SMOC1: variants seen among roughly 807,000 people sequenced by gnomAD.
SMOC1 encodes the protein SPARC related modular calcium binding 1.
In SMOC1, 22 loss-of-function variants were observed where a neutral mutation model predicts 56.3. The ratio of observed to expected loss-of-function variants is 0.39; its 90% confidence interval spans 0.28 to 0.56. The LOEUF is 0.56. Among genes scored for constraint, SMOC1 ranks in the 20% least tolerant of loss-of-function variants. The probability of loss-of-function intolerance (pLI) is 0.61; values close to 1 mark genes in which losing one functional copy is unlikely to be tolerated. For missense variants in SMOC1, 509 were observed against 565.4 expected (o/e 0.90, Z 1.01); for synonymous variants, 193 against 215.0 (o/e 0.90, Z 0.89).
At chr14:69,962,970 G>A (rs774058964) in intron 3 of SMOC1, among the ~76,000 whole-genome samples, 11 of 152,096 alleles carry the variant, frequency 7.2e-5, no homozygotes, top group Non-Finnish European at 8.8e-5. Context: ...GGTTGTCTCA[G>A]GACTACTTGT....
intron 1 of SMOC1, among the ~76,000 whole-genome samples, chr14:69,889,324 C>A (rs1281902944): frequency 6.6e-6 from 1 of 152,196 alleles, no homozygotes; most frequent in African/African-American, 2.4e-5. Flanking sequence ...TCAGATGTTA[C>A]CTCCACGCAG....
At chr14:70,010,272 G>A (rs1204358923) in intron 7 of SMOC1, among the ~76,000 whole-genome samples, 3 of 152,232 alleles carry the variant, frequency 2.0e-5, no homozygotes, top group Admixed American at 2.0e-4. Flanking sequence ...ACATGAGGCT[G>A]ATGGCCACGG....
At chr14:69,998,076 A>G (rs1332406184) in intron 7 of SMOC1, among the ~76,000 whole-genome samples, 1 of 152,184 alleles carries the variant, frequency 6.6e-6, no homozygotes, top group East Asian at 1.9e-4. Flanking sequence ...AAGTTTTGCA[A>G]TAACATGACA....
At chr14:69,889,283 C>G (rs1242876903) in intron 1 of SMOC1, among the ~76,000 whole-genome samples, 1 of 152,170 alleles carries the variant, frequency 6.6e-6, no homozygotes, top group East Asian at 1.9e-4. Flanking sequence ...CCATTTCTGT[C>G]TGTCAGAATC....
chr14:69,939,799 C>T (rs1882479035), intron 1 of SMOC1, among the ~76,000 whole-genome samples: 1 of 152,208 alleles, frequency 6.6e-6, no homozygotes, highest in South Asian at 2.1e-4. Context: ...CTTTGGTGTG[C>T]CTTGGATACT....
chr14:69,951,855 AT>A (rs1227384115), intron 1 of SMOC1, among the ~76,000 whole-genome samples: 2 of 152,136 alleles, frequency 1.3e-5, no homozygotes, highest in African/African-American at 4.8e-5. Context: ...TAGAGTTTCT[AT>A]TTCATAGGGT....
At chr14:69,999,429 C>G (rs144869789) in intron 7 of SMOC1, among the ~76,000 whole-genome samples, 5 of 152,310 alleles carry the variant, frequency 3.3e-5, no homozygotes, top group African/African-American at 9.6e-5. Flanking sequence ...CGGTAGCCGT[C>G]GTAAGCAAAT....
chr14:70,024,149 T>C (rs1347142175), intron 11 of SMOC1, among the ~76,000 whole-genome samples: 3 of 152,092 alleles, frequency 2.0e-5, no homozygotes, highest in African/African-American at 2.4e-5. Flanking sequence ...TCATAATTCA[T>C]TGGCTGGAAC....
intron 1 of SMOC1, among the ~76,000 whole-genome samples, chr14:69,911,036 T>G (rs1007352890): frequency 5.3e-5 from 8 of 152,222 alleles, no homozygotes; most frequent in African/African-American, 1.9e-4. Context: ...GTTGGGCAGC[T>G]GCAAAGGCCA....
rs764053124 is a variant in SMOC1, at chr14:69,879,761, G to T, written c.83G>T (p.Arg28Leu). Residue 28 changes from arginine (R) to leucine (L), a missense_variant, in exon 1 of 12, where the codon CGC becomes CTC. Physicochemically the swap from Arg to Leu is moderately radical, Grantham distance 102. Transcript: ENST00000361956. ...CAGCTGTCCCCTGCTCGCGGCCACC[G>T]CACCACAGGCCCCAGGGTAAGTGCG... ...LVQLSPARGHRTTGPRFLISD... is the reference protein window; with the variant it reads ...LVQLSPARGHLTTGPRFLISD... The T allele has an allele frequency of 1.3e-5, 20 of 1,590,974 alleles. No homozygotes were observed. The highest frequency in any genetic ancestry group is 1.0e-4 in the Admixed American group (6 of 58,792).
At chr14:69,981,200 G>A (rs1884166335) in intron 5 of SMOC1, among the ~76,000 whole-genome samples, 1 of 151,854 alleles carries the variant, frequency 6.6e-6, no homozygotes, top group African/African-American at 2.4e-5. Flanking sequence ...GGATCCACAG[G>A]TGTGGGGCCC....
intron 1 of SMOC1, among the ~76,000 whole-genome samples, chr14:69,888,223 G>T (rs747330239): frequency 1.3e-5 from 2 of 152,150 alleles, no homozygotes; most frequent in African/African-American, 2.4e-5. Flanking sequence ...TCACTGAGAG[G>T]TTCAGAGATT....
intron 11 of SMOC1, 142 bp downstream of exon 11, chr14:70,023,589 G>A (rs771077192): frequency 3.2e-6 from 4 of 1,255,748 alleles, no homozygotes; most frequent in Non-Finnish European, 4.6e-6. Context: ...CTTCATGCTA[G>A]ATGTTTGAGA....
intron 1 of SMOC1, chr14:69,885,727 T>C: frequency 6.8e-7 from 1 of 1,465,832 alleles, no homozygotes; most frequent in Non-Finnish European, 9.5e-7. Context: ...TGTTAACTCC[T>C]GCTCGAAGGA....
chr14:69,981,951 C>T (rs1038549809), intron 5 of SMOC1, among the ~76,000 whole-genome samples: 3 of 152,100 alleles, frequency 2.0e-5, no homozygotes, highest in Non-Finnish European at 2.9e-5. Flanking sequence ...AGTTCTTAGC[C>T]TCTGGTGGGG....
chr14:69,888,377 T>G (rs1883867269), intron 1 of SMOC1, among the ~76,000 whole-genome samples: 1 of 152,226 alleles, frequency 6.6e-6, no homozygotes, highest in South Asian at 2.1e-4. Context: ...ACATCTAAGC[T>G]TGTTAGGTAT....
At chr14:70,027,296 G>T (rs1885963744) in intron 11 of SMOC1, among the ~76,000 whole-genome samples, 1 of 152,214 alleles carries the variant, frequency 6.6e-6, no homozygotes, top group Non-Finnish European at 1.5e-5. Flanking sequence ...GTCCCCTCCA[G>T]GAGAAGGACC....
At chr14:69,972,558 G>T (rs556794772) in intron 3 of SMOC1, among the ~76,000 whole-genome samples, 1 of 152,224 alleles carries the variant, frequency 6.6e-6, no homozygotes, top group South Asian at 2.1e-4. Context: ...TTGTAATCTG[G>T]GCTCTCTACT....
chr14:70,020,939 A>G (rs1594859724), intron 10 of SMOC1, among the ~76,000 whole-genome samples: 1 of 152,134 alleles, frequency 6.6e-6, no homozygotes, highest in South Asian at 2.1e-4. Flanking sequence ...GACAGGCGGG[A>G]GCCCCAGAAA....
Sources: allele counts gnomAD v4.1 joint callset (sites outside exome capture counted in the v4.1 genomes callset), GRCh38; gene constraint gnomAD v4.1.1; transcripts MANE v1.5; gene names NCBI Gene and HGNC (gene_info 2026-07-23, HGNC 2026-07-21).